Variants in FAAH2 observed in about 807,000 individuals in gnomAD.
The protein encoded by FAAH2 is fatty-acid amide hydrolase 2.
A neutral mutation model predicts 36.9 loss-of-function variants in FAAH2; 60 were observed. The ratio of observed to expected loss-of-function variants is 1.63; its 90% CI spans 1.32 to 2.02. FAAH2 has a LOEUF of 2.02. FAAH2 is among the 30% of genes most tolerant of loss of function. The pLI is 0.00. For missense variants in FAAH2, 689 were observed against 397.5 expected, an observed-to-expected ratio of 1.73 and a Z score of -6.23; for synonymous variants, 214 against 143.8, an observed-to-expected ratio of 1.49 and a Z score of -3.49.
At chrX:57,315,698 A>G (rs1214477142) in intron 3 of FAAH2, among the ~76,000 whole-genome samples, 1 of 111,836 alleles carries the variant, frequency 8.9e-6, no homozygotes, top group Non-Finnish European at 1.9e-5. Context: ...AACTTTTGAT[A>G]TAATTCAACA....
At chrX:57,455,275 C>A (rs1332276707) in intron 10 of FAAH2, among the ~76,000 whole-genome samples, 1 of 111,300 alleles carries the variant, frequency 9.0e-6, no homozygotes, top group Non-Finnish European at 1.9e-5. Flanking sequence ...TATTACCAGA[C>A]CACCCTTACC....
the FAAH2 span, among the ~76,000 whole-genome samples, chrX:57,171,187 C>G: frequency 2.7e-5 from 3 of 111,571 alleles, no homozygotes; most frequent in Non-Finnish European, 5.6e-5. Context: ...GATTCCATAT[C>G]TTTGCAATTG....
the FAAH2 span, among the ~76,000 whole-genome samples, chrX:57,172,735 T>C: frequency 7.2e-5 from 8 of 111,788 alleles, no homozygotes; most frequent in Non-Finnish European, 1.5e-4. Context: ...GCCTGGGCTC[T>C]CCTCCAACTG....
chrX:57,150,654 C>A, the FAAH2 span, among the ~76,000 whole-genome samples: 1 of 111,882 alleles, frequency 8.9e-6, no homozygotes, highest in Non-Finnish European at 1.9e-5. Flanking sequence ...CTATGTGTAT[C>A]TCTGCATGTG....
At chrX:57,351,414 G>T (rs2053996310) in intron 5 of FAAH2, among the ~76,000 whole-genome samples, 1 of 111,187 alleles carries the variant, frequency 9.0e-6, no homozygotes, top group Non-Finnish European at 1.9e-5. Context: ...ACAATTTAAT[G>T]ATGCATATTA....
At chrX:57,221,320 T>C in the FAAH2 span, among the ~76,000 whole-genome samples, 1 of 111,466 alleles carries the variant, frequency 9.0e-6, no homozygotes, top group African/African-American at 3.3e-5. Context: ...ACCACCCACC[T>C]TAAAACGTGC....
chrX:57,145,252 T>C, the FAAH2 span, among the ~76,000 whole-genome samples: 1 of 77,668 alleles, frequency 1.3e-5, no homozygotes, highest in Non-Finnish European at 2.2e-5. Flanking sequence ...GATCATTCTT[T>C]TGGGGGGGGG....
intron 5 of FAAH2, among the ~76,000 whole-genome samples, chrX:57,356,810 G>A (rs1403351995): frequency 2.7e-5 from 3 of 109,353 alleles, no homozygotes; most frequent in African/African-American, 1.0e-4. Flanking sequence ...ATTATTATAC[G>A]TTAAGTTCTG....
chrX:57,393,511 GC>G, intron 7 of FAAH2: 1 of 975,519 alleles, frequency 1.0e-6, no homozygotes, highest in South Asian at 1.9e-5. Flanking sequence ...TAGAGGAATT[GC>G]CGTGTGCGAT....
At chrX:57,378,016 T>A (rs1309047214) in intron 5 of FAAH2, among the ~76,000 whole-genome samples, 1 of 112,208 alleles carries the variant, frequency 8.9e-6, no homozygotes, top group Non-Finnish European at 1.9e-5. Flanking sequence ...AAGTTGCTTA[T>A]CAGGTTAAGA....
chrX:57,161,798 T>C, the FAAH2 span, among the ~76,000 whole-genome samples: 1 of 111,772 alleles, frequency 8.9e-6, no homozygotes, highest in Non-Finnish European at 1.9e-5. Context: ...CACTGATGGG[T>C]CTTGACTCTT....
At chrX:57,227,766 G>A in the FAAH2 span, among the ~76,000 whole-genome samples, 1 of 111,745 alleles carries the variant, frequency 8.9e-6, no homozygotes, top group African/African-American at 3.3e-5. Flanking sequence ...AGGACCATTG[G>A]GTGGGGGCAG....
Position 57,286,995 on chromosome X carries a change from C to T in FAAH2, c.170C>T (p.Ala57Val), listed in dbSNP as rs370836125. ...CTTCTGCTTTCGGGGATGCAGCTGG[C>T]CAAGCTGATCCGACAGAGAAAGGTG... ...PLLLLSGMQL[A>V]KLIRQRKVKC... is the part of the protein sequence containing the mutation. The change falls in exon 1 of 11, where the codon GCC (alanine) becomes GTC (valine). Residue 57 changes from alanine to valine, a missense_variant. Physicochemically the swap from Ala to Val is moderately conservative, Grantham distance 64. Transcript: ENST00000374900. 2.5e-6 allele frequency: 3 copies of T among 1,189,344 alleles called. No homozygotes were observed. The African/African-American group carries it at 5.4e-5, about 21-fold the overall frequency.
At chrX:57,353,068 T>C (rs2054066463) in intron 5 of FAAH2, among the ~76,000 whole-genome samples, 2 of 110,421 alleles carry the variant, frequency 1.8e-5, no homozygotes, top group Admixed American at 9.7e-5. Flanking sequence ...CCTATCAAAA[T>C]ACCAACATCA....
At chrX:57,236,931 A>C in the FAAH2 span, among the ~76,000 whole-genome samples, 2 of 111,558 alleles carry the variant, frequency 1.8e-5, no homozygotes, top group African/African-American at 6.5e-5. Flanking sequence ...ATTATTGATC[A>C]GACTAATGTT....
intron 7 of FAAH2, among the ~76,000 whole-genome samples, chrX:57,395,669 T>A (rs865825315): frequency 9.9e-5 from 11 of 111,666 alleles, no homozygotes; most frequent in African/African-American, 3.6e-4. Flanking sequence ...GTTAATTACA[T>A]TATTGATTTG....
chrX:57,310,572 C>T (rs372082419), intron 2 of FAAH2, 21 bp from the exon 3 acceptor site: 768 of 1,180,533 alleles, frequency 6.5e-4, no homozygotes, highest in South Asian at 8.3e-4. Flanking sequence ...TTAAAGTTTG[C>T]ATTGTTTTAT....
chrX:57,349,597 T>A (rs2053943670), intron 5 of FAAH2, among the ~76,000 whole-genome samples: 1 of 106,381 alleles, frequency 9.4e-6, no homozygotes, highest in Non-Finnish European at 1.9e-5. Flanking sequence ...ACTGAAGTAT[T>A]AATTTAAGGA....
rs900161386 is a variant in FAAH2 at position 57,393,781 on chromosome X, G to A, written c.996+12752G>A. ...AGATATCAAAGTGGACCGTCTGTGT[G>A]TGACTTTTCTTCGTTGGAGCCTGTC... On this transcript the variant is annotated intron_variant, in intron 7 of 10. Coordinates refer to ENST00000374900, the MANE Select transcript of FAAH2 (RefSeq NM_174912.4). 16 of 912,235 alleles carry A rather than the reference G, an allele frequency of 1.8e-5. No homozygotes were observed. The Admixed American group carries it at 3.5e-4, about 20-fold the overall frequency. The allele number at this position is 912,235 out of a possible 1,213,427, so 75.2% of individuals were successfully genotyped here. A position where few individuals can be genotyped will look rare whatever the true frequency, so the allele number is the denominator to read the frequency against.
Sources: gnomAD v4.1 joint callset for allele counts (sites outside exome capture counted in the v4.1 genomes callset) on GRCh38, gnomAD v4.1.1 for gene constraint, MANE v1.5 for transcripts, NCBI Gene and HGNC (gene_info 2026-07-23, HGNC 2026-07-21) for gene names.